The following RASSF5 variants were observed in gnomAD, a reference collection of about 807,000 sequenced individuals.
RASSF5 encodes Ras association domain family member 5.
RASSF5 carries 25 observed loss-of-function variants against 40.5 expected under a neutral mutation model. The observed-to-expected ratio is 0.62, with a 90% CI of 0.45 to 0.86. The LOEUF (loss-of-function observed/expected upper bound fraction) is 0.86. RASSF5 is among the 40% of genes least tolerant of loss of function. The probability of loss-of-function intolerance (pLI) is 0.00; values close to 1 mark genes in which losing one functional copy is unlikely to be tolerated. For synonymous variants in RASSF5, 246 were observed against 252.4 expected, an observed-to-expected ratio of 0.97 and a Z score of 0.24; for missense variants, 521 against 572.8, an observed-to-expected ratio of 0.91 and a Z score of 0.92.
At chr1:206,548,755 C>T (rs868944118) in intron 2 of RASSF5, among the ~76,000 whole-genome samples, 2 of 152,256 alleles carry the variant, frequency 1.3e-5, no homozygotes, top group African/African-American at 4.8e-5. Flanking sequence ...TTTCATACCC[C>T]CCCACTCTGA....
intron 2 of RASSF5, among the ~76,000 whole-genome samples, chr1:206,576,430 A>G (rs186850516): frequency 1.3e-5 from 2 of 152,368 alleles, no homozygotes. Flanking sequence ...AGAATGGAGT[A>G]AAGTGAGCAA....
chr1:206,534,857 C>T (rs1182696161), intron 1 of RASSF5, among the ~76,000 whole-genome samples: 1 of 152,158 alleles, frequency 6.6e-6, no homozygotes, highest in Non-Finnish European at 1.5e-5. Flanking sequence ...CACTAGCTGC[C>T]CAGGGAGGGC....
rs35815148 is a variant in RASSF5 at position 206,561,840 on chromosome 1, G to GT, written c.580-21418dup. Among the ~76,000 whole-genome samples, 173 of 143,720 alleles carry GT rather than the reference G, an allele frequency of 1.2e-3. 1 individual carries two copies. Among genetic ancestry groups the GT allele is most frequent in the East Asian group, 5.1e-3 (25 of 4,922 alleles). The allele number at this position is 143,720 out of a possible 152,430, so 94.3% of individuals were successfully genotyped here. On this transcript the variant is annotated intron_variant, in intron 2 of 5. Coordinates refer to ENST00000579436, the MANE Select transcript of RASSF5 (RefSeq NM_182663.4). ...ACCACCACACCCAGCTAAGTTTTGT[G>GT]TTTTTTTTTTTGAGTAGAGACAGGG...
rs1012084387 is a variant in RASSF5, at chr1:206,531,355, G to A, written c.458-6817G>A. ...TCAGGAACTGTGGCCGAGGAGATCC[G>A]GAGCAGGCGGTGAGGTTGCAGAGGG... is the stretch of plus-strand genomic sequence containing the variant. On this transcript the variant is annotated intron_variant, in intron 1 of 5. Transcript: ENST00000579436. The surrounding 1 kb of genome is among the most constrained non-coding windows in gnomAD (Gnocchi z 4.7). Among the ~76,000 whole-genome samples, 2 of 152,242 alleles carry A rather than the reference G, an allele frequency of 1.3e-5. No homozygotes were observed. The highest frequency in any genetic ancestry group is 2.1e-4 in the South Asian group (1 of 4,836).
intron 2 of RASSF5, among the ~76,000 whole-genome samples, chr1:206,574,115 A>C (rs1379587674): frequency 6.6e-6 from 1 of 152,248 alleles, no homozygotes; most frequent in Admixed American, 6.5e-5. Flanking sequence ...TAAGGGAGCT[A>C]CTGTTCCCTG....
chr1:206,583,070 C>T, intron 2 of RASSF5, 199 bp from the exon 3 acceptor site: 1 of 523,804 alleles, frequency 1.9e-6, no homozygotes, highest in Middle Eastern at 4.7e-4. Flanking sequence ...TGAGTTACTT[C>T]TCCAGGAGGG....
At position 206,584,759 on chromosome 1, in the gene RASSF5, C is replaced by T. The variant is rs782283960; in HGVS notation, c.988+75C>T. ...CAAGCCCACCCACTAAAACTCCTGC[C>T]GGCCTTGGGTGGGAGCTGTGGGCTT... On this transcript the variant is annotated intron_variant, in intron 4 of 5. Coordinates refer to ENST00000579436, the MANE Select transcript of RASSF5 (RefSeq NM_182663.4). The surrounding 1 kb of genome is among the most constrained non-coding windows in gnomAD (Gnocchi z 4.9). The T allele has an allele frequency of 1.6e-5, 25 of 1,525,602 alleles. No individual in the cohort carries two copies. Among genetic ancestry groups the T allele is most frequent in the Admixed American group, 7.4e-5 (4 of 54,272 alleles). 94.5% of individuals were successfully genotyped at this position (1,525,602 alleles called of 1,614,324 possible). A position where few individuals can be genotyped will look rare whatever the true frequency, so the allele number is the denominator to read the frequency against.
intron 2 of RASSF5, among the ~76,000 whole-genome samples, chr1:206,539,392 G>GC (rs1222762591): frequency 5.9e-5 from 9 of 152,238 alleles, no homozygotes; most frequent in Middle Eastern, 3.4e-3. Flanking sequence ...CTCACGAGCA[G>GC]CCCCCCGGTC....
chr1:206,520,697 C>G (rs188354894), intron 1 of RASSF5, among the ~76,000 whole-genome samples: 4 of 152,184 alleles, frequency 2.6e-5, no homozygotes, highest in African/African-American at 9.6e-5. Flanking sequence ...GGCTGTGGCT[C>G]CTCCTACAGA....
At chr1:206,574,244 G>A (rs1426406131) in intron 2 of RASSF5, among the ~76,000 whole-genome samples, 1 of 152,222 alleles carries the variant, frequency 6.6e-6, no homozygotes, top group Non-Finnish European at 1.5e-5. Context: ...GGAGTGGCCT[G>A]ATCTGTGCTG....
rs1032327357 is a variant in RASSF5, at chr1:206,513,655, G to A, written c.457+5596G>A. On this transcript the variant is annotated intron_variant, in intron 1 of 5. Coordinates refer to ENST00000579436, the MANE Select transcript of RASSF5 (RefSeq NM_182663.4). The surrounding 1 kb of genome is among the most constrained non-coding windows in gnomAD (Gnocchi z 5.0). ...AGGGCTGGCGGCAGCTGGGAAGGCC[G>A]GGCCTGACTGGGGAGATGGTTTTGC... 2.6e-5 allele frequency among the ~76,000 whole-genome samples: 4 copies of A among 152,226 alleles called. No homozygotes were observed. Among genetic ancestry groups the A allele is most frequent in the African/African-American group, 4.8e-5 (2 of 41,462 alleles).
chr1:206,508,383 G>T (rs539804688), intron 1 of RASSF5, among the ~76,000 whole-genome samples: 4 of 151,418 alleles, frequency 2.6e-5, no homozygotes, highest in African/African-American at 9.7e-5. Flanking sequence ...GGGGTGGGTG[G>T]GTGATGGCCT....
intron 2 of RASSF5, among the ~76,000 whole-genome samples, chr1:206,574,525 T>C (rs1239180950): frequency 6.6e-6 from 1 of 152,218 alleles, no homozygotes; most frequent in East Asian, 1.9e-4. Context: ...CCGCCACCTC[T>C]TTTTTCCCTC....
chr1:206,546,463 T>C (rs1667696604), intron 2 of RASSF5, among the ~76,000 whole-genome samples: 1 of 152,176 alleles, frequency 6.6e-6, no homozygotes, highest in East Asian at 1.9e-4. Context: ...CTTTTTCTTT[T>C]TTTCTTTCTT....
Position 206,547,264 on chromosome 1 carries a change from G to A in RASSF5, c.579+8971G>A, listed in dbSNP as rs556347337. Among the ~76,000 whole-genome samples, 3 of 152,300 alleles carry A rather than the reference G, an allele frequency of 2.0e-5. No individual in the cohort carries two copies. In the East Asian group the frequency reaches 5.8e-4, roughly 29 times the overall value. On this transcript the variant is annotated intron_variant, in intron 2 of 5. Transcript: ENST00000579436. The stretch of plus-strand genomic sequence containing the variant: ...CCCAGCCCCCAGGGCCACACACATG[G>A]CCTTTTAGGAATCAGGTTGCATAGC...
rs1553408506 is a variant in RASSF5, at chr1:206,589,248, A to C, written c.*2270A>C. On this transcript the variant is annotated 3_prime_UTR_variant, in exon 6 of 6. Coordinates refer to ENST00000579436, the MANE Select transcript of RASSF5 (RefSeq NM_182663.4). ...TCTTTCTTATATGGGTTTTAAAAAA[A>C]AGTAATAAAAGCCTGTTGCAAAAAT... The C allele has an allele frequency of 2.0e-5, 3 of 152,742 alleles. No homozygotes were observed. The highest frequency in any genetic ancestry group is 4.4e-5 in the Non-Finnish European group (3 of 68,040). The allele number at this position is 152,742 out of a possible 1,614,324, so 9.5% of individuals were successfully genotyped here. A position where few individuals can be genotyped will look rare whatever the true frequency, so the allele number is the denominator to read the frequency against.
intron 2 of RASSF5, among the ~76,000 whole-genome samples, chr1:206,555,771 C>T (rs1313282707): frequency 2.0e-5 from 3 of 152,152 alleles, no homozygotes; most frequent in South Asian, 4.1e-4. Context: ...GCCAGGCACT[C>T]GCAGGCTTCT....
chr1:206,509,985 G>A (rs781902119), intron 1 of RASSF5, among the ~76,000 whole-genome samples: 18 of 152,130 alleles, frequency 1.2e-4, no homozygotes, highest in Non-Finnish European at 2.6e-4. Context: ...TAATGCTAAC[G>A]ATGTCTGAAC....
At chr1:206,520,502 G>C (rs1341405422) in intron 1 of RASSF5, among the ~76,000 whole-genome samples, 1 of 151,834 alleles carries the variant, frequency 6.6e-6, no homozygotes, top group East Asian at 1.9e-4. Flanking sequence ...AGCTACTCGG[G>C]AGGCTGAGGC....
Sources: gnomAD v4.1 joint callset for allele counts (sites outside exome capture counted in the v4.1 genomes callset) on GRCh38, gnomAD v4.1.1 for gene constraint, Gnocchi (gnomAD v3.1) non-coding constraint, MANE v1.5 for transcripts, NCBI Gene and HGNC (gene_info 2026-07-23, HGNC 2026-07-21) for gene names.